CALN1: variants seen among roughly 807,000 people sequenced by gnomAD.
CALN1 encodes calcium-binding protein 8.
CALN1 carries 17 observed loss-of-function variants against 30.6 expected under a neutral mutation model. That is an observed-to-expected ratio of 0.56 (90% confidence interval 0.38 to 0.83). The LOEUF is 0.83. CALN1 is among the 40% of genes least tolerant of loss of function. The pLI, the probability that CALN1 is intolerant of heterozygous loss-of-function variation, is 0.00. For synonymous variants in CALN1, 156 were observed against 131.4 expected (o/e 1.19, Z -1.28); for missense variants, 291 against 354.9 (o/e 0.82, Z 1.45).
rs200948671 is a variant in CALN1, at chr7:71,793,877, A to C, written c.659-5975T>G. 1.6e-3 allele frequency among the ~76,000 whole-genome samples: 241 copies of C among 152,102 alleles called. 1 individual carries two copies. Among genetic ancestry groups the C allele is most frequent in the African/African-American group, 5.4e-3 (225 of 41,448 alleles). On this transcript the variant is annotated intron_variant, in intron 6 of 6. Coordinates refer to ENST00000395275, the MANE Select transcript of CALN1 (RefSeq NM_031468.4). ...AGACTGTCTAAAAAAACCAAAAAAA[A>C]CAAAAAGAAACACATACAAAAAAGA...
rs189470248 is a variant in CALN1, at chr7:72,031,773, G to A, written c.389-8004C>T. On this transcript the variant is annotated intron_variant, in intron 4 of 6. Transcript: ENST00000395275. ...TTTTTTTTTTTTGAGACAGAAACTC[G>A]CTCTGTCATCCAGGCTGAAGTGCAA... Among the ~76,000 whole-genome samples, 418 of 126,296 alleles carry A rather than the reference G, an allele frequency of 3.3e-3. 2 individuals are homozygous for A. Among genetic ancestry groups the A allele is most frequent in the African/African-American group, 0.012 (376 of 32,232 alleles). The allele number at this position is 126,296 out of a possible 152,430, so 82.9% of individuals were successfully genotyped here.
intron 5 of CALN1, among the ~76,000 whole-genome samples, chr7:71,943,161 G>A (rs972707485): frequency 2.0e-5 from 3 of 152,066 alleles, no homozygotes; most frequent in African/African-American, 7.2e-5. Flanking sequence ...CCTCAACCTT[G>A]GCAAAATAAA....
At chr7:72,089,598 G>A (rs1172021088) in intron 4 of CALN1, among the ~76,000 whole-genome samples, 1 of 152,124 alleles carries the variant, frequency 6.6e-6, no homozygotes, top group African/African-American at 2.4e-5. Flanking sequence ...GGAAGGAAAA[G>A]AAACTGAATA....
chr7:72,490,838 T>G, the CALN1 span, among the ~76,000 whole-genome samples: 1 of 152,214 alleles, frequency 6.6e-6, no homozygotes, highest in African/African-American at 2.4e-5. Flanking sequence ...TTAAAGCTCT[T>G]TTCTTCATAA....
intron 4 of CALN1, among the ~76,000 whole-genome samples, chr7:72,060,030 C>G (rs1306908203): frequency 6.6e-6 from 1 of 152,156 alleles, no homozygotes; most frequent in Non-Finnish European, 1.5e-5. Context: ...CGAGTACCCC[C>G]AGCTAGATGC....
At chr7:72,473,458 C>T in the CALN1 span, among the ~76,000 whole-genome samples, 5,842 of 152,160 alleles carry the variant, frequency 0.038, 355 homozygotes, top group African/African-American at 0.13. Flanking sequence ...TCCATAACTC[C>T]CTCTTCAACG....
chr7:72,114,291 A>G (rs1584970201), intron 3 of CALN1, among the ~76,000 whole-genome samples: 1 of 97,008 alleles, frequency 1.0e-5, no homozygotes, highest in East Asian at 7.2e-4. Context: ...AGGGAAGGGA[A>G]GGGAAGGGAA....
intron 5 of CALN1, among the ~76,000 whole-genome samples, chr7:71,957,876 C>T (rs568405075): frequency 2.8e-4 from 43 of 151,834 alleles, no homozygotes; most frequent in African/African-American, 9.2e-4. Context: ...ACCAACCTGG[C>T]CAACATGATG....
intron 3 of CALN1, among the ~76,000 whole-genome samples, chr7:72,187,628 A>T (rs563786798): frequency 1.3e-5 from 2 of 152,240 alleles, no homozygotes; most frequent in Non-Finnish European, 2.9e-5. Context: ...TCCATGGAAA[A>T]ATTGTCTTCC....
At chr7:71,925,506 T>TC (rs397937352) in intron 5 of CALN1, among the ~76,000 whole-genome samples, 1 of 151,176 alleles carries the variant, frequency 6.6e-6, no homozygotes, top group Admixed American at 6.6e-5. Flanking sequence ...TTTTTTTTTT[T>TC]GGTTGTTGTT....
chr7:72,088,420 C>T (rs540689813), intron 4 of CALN1, among the ~76,000 whole-genome samples: 2 of 151,984 alleles, frequency 1.3e-5, no homozygotes, highest in South Asian at 2.1e-4. Flanking sequence ...GGTTATGGGC[C>T]GGGCGCAGTG....
intron 4 of CALN1, among the ~76,000 whole-genome samples, chr7:72,091,080 C>T (rs1805826793): frequency 6.6e-6 from 1 of 152,098 alleles, no homozygotes; most frequent in South Asian, 2.1e-4. Context: ...GTAATCCCAG[C>T]ATTTTGGGAG....
rs754103325 is a variant in CALN1 at position 72,023,756 on chromosome 7, C to T, written c.402G>A (p.Val134=). 1.9e-6 allele frequency: 3 copies of T among 1,613,516 alleles called. No individual in the cohort carries two copies. The highest frequency in any genetic ancestry group is 2.5e-6 in the Non-Finnish European group (3 of 1,179,780). The change falls in exon 5 of 7, where the codon GTG becomes GTA. Residue 134 remains valine (V), a synonymous_variant. Transcript: ENST00000395275. ...QRLDMDGDGQ[V]DFDEFMTILG... The stretch of plus-strand genomic sequence containing the variant: ...GAATGGTCATGAATTCATCAAAATC[C>T]ACCTGGCCATCCCCTGCAAGGAGAA...
chr7:72,222,419 A>T (rs947304966), intron 3 of CALN1, among the ~76,000 whole-genome samples: 6 of 152,088 alleles, frequency 3.9e-5, no homozygotes, highest in Admixed American at 1.3e-4. Flanking sequence ...AGCAAGAGAG[A>T]GGGGAGATAC....
chr7:72,344,644 A>T (rs1585546882), intron 2 of CALN1, among the ~76,000 whole-genome samples: 1 of 146,004 alleles, frequency 6.8e-6, no homozygotes, highest in Non-Finnish European at 1.5e-5. Flanking sequence ...ATATATTTAT[A>T]TTTTTTTATT....
the CALN1 span, among the ~76,000 whole-genome samples, chr7:72,501,540 G>T: frequency 7.1e-6 from 1 of 141,022 alleles, no homozygotes; most frequent in South Asian, 2.3e-4. Flanking sequence ...GGAAAGGAAA[G>T]GAAGGAGGGA....
In CALN1 at chr7:72,148,679, C is replaced by T. The variant is rs569105126; in HGVS notation, c.245-42385G>A. On this transcript the variant is annotated intron_variant, in intron 3 of 6. Transcript: ENST00000395275. ...CAGCACTTTGGGAGGCTGAGGCAGG[C>T]GGATCACCTGAGGTCAGGTGTTCGA... 1.5e-3 allele frequency among the ~76,000 whole-genome samples: 235 copies of T among 151,678 alleles called. 3 individuals are homozygous for T. Among genetic ancestry groups the T allele is most frequent in the Non-Finnish European group, 2.7e-3 (186 of 67,858 alleles).
Position 72,403,165 on chromosome 7 carries a change from GGCAAA to G in CALN1, c.119+81_119+85del, listed in dbSNP as rs1252249746. 1.3e-5 allele frequency: 13 copies of G among 974,882 alleles called. No individual in the cohort carries two copies. In the East Asian group the frequency reaches 1.8e-4, roughly 14 times the overall value. 60.4% of individuals were successfully genotyped at this position (974,882 alleles called of 1,614,324 possible). A position where few individuals can be genotyped will look rare whatever the true frequency, so the allele number is the denominator to read the frequency against. The stretch of plus-strand genomic sequence containing the variant: ...CTCTCCAGCCTAGACACGCAGCAGC[GGCAAA>G]GCCTCCTGGACCCCGCGCCACCCCC... On this transcript the variant is annotated intron_variant, in intron 2 of 6. Coordinates refer to ENST00000395275, the MANE Select transcript of CALN1 (RefSeq NM_031468.4).
In CALN1 at chr7:72,000,162, G is replaced by A. The variant is rs541422708; in HGVS notation, c.501+23495C>T. Among the ~76,000 whole-genome samples the A allele has an allele frequency of 8.5e-5, 13 of 152,128 alleles. No individual in the cohort carries two copies. The South Asian group carries it at 2.7e-3, about 32-fold the overall frequency. ...CAAAAAGCTACAAAGCAGGTGGAAA[G>A]AAGCAAATAGTAAGCTAAGAGCAGA... is the stretch of plus-strand genomic sequence containing the variant. On this transcript the variant is annotated intron_variant, in intron 5 of 6. Transcript: ENST00000395275.
Sources: allele counts gnomAD v4.1 joint callset (sites outside exome capture counted in the v4.1 genomes callset), GRCh38; gene constraint gnomAD v4.1.1; transcripts MANE v1.5; gene names NCBI Gene and HGNC (gene_info 2026-07-23, HGNC 2026-07-21).